The following PDE1A variants were observed in gnomAD, a reference collection of about 807,000 sequenced individuals.
The protein encoded by PDE1A is dual specificity calcium/calmodulin-dependent 3',5'-cyclic nucleotide phosphodiesterase 1A.
In PDE1A, 35 loss-of-function variants were observed where a neutral mutation model predicts 61.7. The ratio of observed to expected loss-of-function variants is 0.57; its 90% CI spans 0.43 to 0.75. The LOEUF (loss-of-function observed/expected upper bound fraction) is 0.75, where lower values mean the gene tolerates loss of function less well. PDE1A is among the 30% of genes least tolerant of loss of function. PDE1A has a pLI of 0.00. For synonymous variants in PDE1A, 232 were observed against 213.2 expected (o/e 1.09, Z -0.77); for missense variants, 597 against 630.6 (o/e 0.95, Z 0.57).
intron 1 of PDE1A, among the ~76,000 whole-genome samples, chr2:182,327,804 G>A (rs886744040): frequency 1.6e-4 from 24 of 152,174 alleles, no homozygotes; most frequent in Non-Finnish European, 8.8e-5. Flanking sequence ...TGAAGAGTGG[G>A]GAGAAATGTG....
the PDE1A span, among the ~76,000 whole-genome samples, chr2:182,578,897 C>T: frequency 6.6e-6 from 1 of 152,096 alleles, no homozygotes; most frequent in African/African-American, 2.4e-5. Context: ...TAACAAAGTA[C>T]TATTATATAA....
chr2:182,292,521 T>A (rs1694604447), intron 1 of PDE1A, among the ~76,000 whole-genome samples: 1 of 152,074 alleles, frequency 6.6e-6, no homozygotes, highest in Non-Finnish European at 1.5e-5. Context: ...AAATATGTAT[T>A]CCACAATAGT....
intron 1 of PDE1A, among the ~76,000 whole-genome samples, chr2:182,331,983 A>C (rs1365394972): frequency 2.0e-5 from 3 of 152,116 alleles, no homozygotes; most frequent in Non-Finnish European, 4.4e-5. Flanking sequence ...TTTCAAGTAC[A>C]CCAATCAAAC....
chr2:182,616,119 A>G, the PDE1A span, among the ~76,000 whole-genome samples: 1 of 152,222 alleles, frequency 6.6e-6, no homozygotes, highest in Non-Finnish European at 1.5e-5. Context: ...ATGTTGTAAG[A>G]ATTAAGTTCA....
chr2:182,290,577 G>A (rs986124141), intron 1 of PDE1A, among the ~76,000 whole-genome samples: 1 of 151,716 alleles, frequency 6.6e-6, no homozygotes, highest in Admixed American at 6.6e-5. Flanking sequence ...TTGCCTGAAG[G>A]GGCCTCCCCA....
the PDE1A span, among the ~76,000 whole-genome samples, chr2:182,641,607 A>G: frequency 3.3e-5 from 5 of 152,338 alleles, no homozygotes; most frequent in Middle Eastern, 3.4e-3. Flanking sequence ...TGAATTTATA[A>G]TTAACAAGTT....
intron 4 of PDE1A, among the ~76,000 whole-genome samples, chr2:182,233,200 A>G (rs1689722668): frequency 6.6e-6 from 1 of 152,256 alleles, no homozygotes. Flanking sequence ...AAATCTCTCA[A>G]GAACCGAGGA....
chr2:182,617,206 GCT>G, the PDE1A span, among the ~76,000 whole-genome samples: 1 of 152,146 alleles, frequency 6.6e-6, no homozygotes, highest in Non-Finnish European at 1.5e-5. Flanking sequence ...CTCTGAAGGG[GCT>G]GGAGTCTAAA....
chr2:182,282,306 T>TAGCCTCCTTACATACA (rs979574506), intron 1 of PDE1A, among the ~76,000 whole-genome samples: 1 of 151,988 alleles, frequency 6.6e-6, no homozygotes, highest in Admixed American at 6.6e-5. Context: ...AAAGTCACTG[T>TAGCCTCCTTACATACA]AGCCTCCTTA....
the PDE1A span, among the ~76,000 whole-genome samples, chr2:182,582,758 A>G: frequency 4.8e-3 from 735 of 152,324 alleles, 3 homozygotes; most frequent in African/African-American, 0.017. Flanking sequence ...TAAGAAACTT[A>G]CTACTAAGCT....
chr2:182,475,443 A>ATTT, intron 2 of PDE1A, among the ~76,000 whole-genome samples: 1 of 152,050 alleles, frequency 6.6e-6, no homozygotes, highest in African/African-American at 2.4e-5. Context: ...CACTGAGGGG[A>ATTT]ATAAATTTGC....
At chr2:182,633,640 TG>T in the PDE1A span, among the ~76,000 whole-genome samples, 2 of 152,236 alleles carry the variant, frequency 1.3e-5, no homozygotes, top group Admixed American at 1.3e-4. Context: ...GTTCTCATTT[TG>T]TTCCCACTCT....
chr2:182,437,518 G>A (rs943173001), intron 2 of PDE1A, among the ~76,000 whole-genome samples: 1 of 151,862 alleles, frequency 6.6e-6, no homozygotes, highest in African/African-American at 2.4e-5. Context: ...AAGAGCTGTT[G>A]CCATTACAGA....
downstream of PDE1A, among the ~76,000 whole-genome samples, chr2:182,145,652 C>T (rs1690456654): frequency 2.0e-5 from 3 of 152,058 alleles, no homozygotes; most frequent in South Asian, 6.2e-4. Context: ...TTGCTTGAAC[C>T]TGGGAGGCAG....
the PDE1A span, among the ~76,000 whole-genome samples, chr2:182,540,192 C>T: frequency 7.3e-5 from 11 of 151,678 alleles, no homozygotes; most frequent in Admixed American, 1.3e-4. Context: ...GGTGAAACAC[C>T]GTCTCTACTA....
the PDE1A span, among the ~76,000 whole-genome samples, chr2:182,635,638 T>G: frequency 6.6e-6 from 1 of 151,936 alleles, no homozygotes; most frequent in South Asian, 2.1e-4. Flanking sequence ...CTTTTCATTT[T>G]AATCATTTAT....
intron 1 of PDE1A, among the ~76,000 whole-genome samples, chr2:182,403,533 A>C (rs1231395033): frequency 2.0e-5 from 3 of 149,792 alleles, no homozygotes; most frequent in African/African-American, 7.4e-5. Context: ...CGGGAGGCGG[A>C]GCTTGCAGTG....
chr2:182,403,496 G>A (rs1350033155), intron 1 of PDE1A, among the ~76,000 whole-genome samples: 2 of 151,818 alleles, frequency 1.3e-5, no homozygotes, highest in African/African-American at 4.8e-5. Flanking sequence ...CTACTCGGGA[G>A]GCTGAGGCAG....
intron 1 of PDE1A, among the ~76,000 whole-genome samples, chr2:182,422,095 AC>A (rs1006227080): frequency 2.6e-5 from 4 of 152,136 alleles, no homozygotes; most frequent in African/African-American, 4.8e-5. Context: ...TAGTCTTGAA[AC>A]CTGGCTGCCT....
Sources: allele counts gnomAD v4.1 joint callset (sites outside exome capture counted in the v4.1 genomes callset), GRCh38; gene constraint gnomAD v4.1.1; transcripts MANE v1.5; gene names NCBI Gene and HGNC (gene_info 2026-07-23, HGNC 2026-07-21).